Variants in KCNJ6 observed in about 807,000 individuals in gnomAD.
The protein encoded by KCNJ6 is potassium inwardly rectifying channel subfamily J member 6.
A neutral mutation model predicts 34.2 loss-of-function variants in KCNJ6; 9 were observed. The observed-to-expected ratio is 0.26, with a 90% CI of 0.16 to 0.46. KCNJ6 has a LOEUF of 0.46. KCNJ6 is among the 20% of genes least tolerant of loss of function. The pLI, the probability that KCNJ6 is intolerant of heterozygous loss-of-function variation, is 1.00. For synonymous variants in KCNJ6, 196 were observed against 207.1 expected (o/e 0.95, Z 0.46); for missense variants, 236 against 531.3 (o/e 0.44, Z 5.46).
At position 37,617,068 on chromosome 21, in the gene KCNJ6, TTTTCTTTTC is replaced by T. The variant is rs1274322672; in HGVS notation, c.*8082_*8090del. ...TCTTTCTTTCTTTTCTTTTCTTTTCTTTTCTTTTCTTTCTTTTTCTTTCTTTCTTTTCTT... is the reference window on the plus strand; with the variant it reads ...TCTTTCTTTCTTTTCTTTTCTTTTCTTTTCTTTTTCTTTCTTTCTTTTCTT... On this transcript the variant is annotated 3_prime_UTR_variant, in exon 4 of 4. Coordinates refer to ENST00000609713, the MANE Select transcript of KCNJ6 (RefSeq NM_002240.5). 3.8e-5 allele frequency: 5 copies of T among 133,228 alleles called. No homozygotes were observed. Among genetic ancestry groups the T allele is most frequent in the African/African-American group, 5.6e-5 (2 of 35,532 alleles). The allele number at this position is 133,228 out of a possible 1,614,324, so 8.3% of individuals were successfully genotyped here.
At chr21:37,822,904 A>T (rs1035717635) in intron 2 of KCNJ6, among the ~76,000 whole-genome samples, 4 of 152,346 alleles carry the variant, frequency 2.6e-5, no homozygotes, top group Non-Finnish European at 5.9e-5. Flanking sequence ...GGGTGGAATA[A>T]GACTTTTCAG....
rs938284935 is a variant in KCNJ6, at chr21:37,609,370, C to T, written c.*15789G>A. 2.0e-5 allele frequency: 3 copies of T among 152,176 alleles called. No individual in the cohort carries two copies. Among genetic ancestry groups the T allele is most frequent in the African/African-American group, 7.2e-5 (3 of 41,438 alleles). The allele number at this position is 152,176 out of a possible 1,614,324, so 9.4% of individuals were successfully genotyped here. On this transcript the variant is annotated 3_prime_UTR_variant, in exon 4 of 4. Transcript: ENST00000609713. ...ATGCAACCCCCAAACTAGATGCAGT[C>T]TTATCTTCAATCGCATAGATTCAAA...
intron 3 of KCNJ6, among the ~76,000 whole-genome samples, chr21:37,690,591 G>A (rs1339096345): frequency 6.6e-6 from 1 of 152,002 alleles, no homozygotes; most frequent in Non-Finnish European, 1.5e-5. Context: ...TTGAAATTTC[G>A]GCATGGTGCC....
rs184696428 is a variant in KCNJ6 at position 37,635,194 on chromosome 21, G to A, written c.947-9710C>T. On this transcript the variant is annotated intron_variant, in intron 3 of 3. Transcript: ENST00000609713. Reference sequence around the variant, plus strand: ...CTTAAATTGAGTGGCCAAGTTACAAGTATTTTATATAATATTACTTTATTT... The same window carrying A: ...CTTAAATTGAGTGGCCAAGTTACAAATATTTTATATAATATTACTTTATTT... 2.0e-5 allele frequency among the ~76,000 whole-genome samples: 3 copies of A among 152,042 alleles called. No homozygotes were observed. The East Asian group carries it at 5.8e-4, about 29-fold the overall frequency.
intron 2 of KCNJ6, among the ~76,000 whole-genome samples, chr21:37,729,369 G>C (rs940596075): frequency 2.0e-5 from 3 of 151,976 alleles, no homozygotes; most frequent in Admixed American, 2.0e-4. Context: ...TGTCACCCAG[G>C]CTGGAGTGCA....
intron 2 of KCNJ6, among the ~76,000 whole-genome samples, chr21:37,719,046 TAAAAA>T (rs1049981868): frequency 6.7e-6 from 1 of 149,480 alleles, no homozygotes; most frequent in Non-Finnish European, 1.5e-5. Flanking sequence ...TTGAGAGAAA[TAAAAA>T]AAGCCAAGGA....
intron 2 of KCNJ6, among the ~76,000 whole-genome samples, chr21:37,832,850 T>C (rs2836004): frequency 0.18 from 28,035 of 151,994 alleles, 2,632 homozygotes; most frequent in South Asian, 0.29. Context: ...TCTCTGGCAG[T>C]GACCATACCT....
At chr21:37,858,392 C>CAAAAAAAAAAAA (rs60814205) in intron 1 of KCNJ6, among the ~76,000 whole-genome samples, 5 of 54,498 alleles carry the variant, frequency 9.2e-5, no homozygotes, top group African/African-American at 3.7e-4. Context: ...GACTCCGTCT[C>CAAAAAAAAAAAA]AAAAAAAAAA....
chr21:37,749,707 C>T (rs564078593), intron 2 of KCNJ6, among the ~76,000 whole-genome samples: 27 of 152,188 alleles, frequency 1.8e-4, no homozygotes, highest in Middle Eastern at 3.4e-3. Context: ...GAACTTCTAC[C>T]CTATTAGCTT....
chr21:37,813,304 T>A (rs952112606), intron 2 of KCNJ6, among the ~76,000 whole-genome samples: 18 of 152,164 alleles, frequency 1.2e-4, no homozygotes, highest in Non-Finnish European at 2.5e-4. Flanking sequence ...ATTGGAAGAA[T>A]CAATGTTGTT....
At chr21:37,630,044 CTG>C (rs1274511895) in intron 3 of KCNJ6, among the ~76,000 whole-genome samples, 1 of 151,852 alleles carries the variant, frequency 6.6e-6, no homozygotes, top group Non-Finnish European at 1.5e-5. Flanking sequence ...GTCTTTAAAA[CTG>C]TGATGTTTTA....
intron 2 of KCNJ6, among the ~76,000 whole-genome samples, chr21:37,751,470 C>T (rs1448809623): frequency 1.3e-5 from 2 of 152,200 alleles, no homozygotes; most frequent in Non-Finnish European, 2.9e-5. Flanking sequence ...CCTATTTTCA[C>T]ACTCATACGT....
chr21:37,823,616 C>T (rs958541042), intron 2 of KCNJ6, among the ~76,000 whole-genome samples: 1 of 152,208 alleles, frequency 6.6e-6, no homozygotes, highest in South Asian at 2.1e-4. Flanking sequence ...CACTCTTTCT[C>T]TCCTGCCGCC....
chr21:37,773,309 G>A (rs1419809749), intron 2 of KCNJ6, among the ~76,000 whole-genome samples: 1 of 152,064 alleles, frequency 6.6e-6, no homozygotes, highest in Non-Finnish European at 1.5e-5. Flanking sequence ...CCCGTCAACT[G>A]GCTACATGTC....
chr21:37,708,894 C>G (rs1001318668), intron 3 of KCNJ6, among the ~76,000 whole-genome samples: 4 of 152,186 alleles, frequency 2.6e-5, no homozygotes, highest in African/African-American at 9.7e-5. Flanking sequence ...TTTTCAAAGG[C>G]TGCAATCTCA....
intron 3 of KCNJ6, among the ~76,000 whole-genome samples, chr21:37,658,078 T>C (rs2054472236): frequency 6.6e-6 from 1 of 152,242 alleles, no homozygotes; most frequent in African/African-American, 2.4e-5. Flanking sequence ...GGTTACTTTA[T>C]TCTGTGTGGA....
chr21:37,705,536 A>T (rs2054715080), intron 3 of KCNJ6, among the ~76,000 whole-genome samples: 1 of 152,218 alleles, frequency 6.6e-6, no homozygotes, highest in Non-Finnish European at 1.5e-5. Flanking sequence ...CTCTTAATTG[A>T]TTGAGCACCT....
At chr21:37,890,436 C>T (rs1392783031) in intron 1 of KCNJ6, among the ~76,000 whole-genome samples, 1 of 152,184 alleles carries the variant, frequency 6.6e-6, no homozygotes, top group Non-Finnish European at 1.5e-5. Context: ...ATCAACTTCT[C>T]AAAAGAGTTT....
chr21:37,733,816 G>T (rs1299485465), intron 2 of KCNJ6, among the ~76,000 whole-genome samples: 1 of 152,172 alleles, frequency 6.6e-6, no homozygotes, highest in African/African-American at 2.4e-5. Context: ...TGTGAGTGTT[G>T]CATTTCCCCA....
Sources: gnomAD v4.1 joint callset for allele counts (sites outside exome capture counted in the v4.1 genomes callset) on GRCh38, gnomAD v4.1.1 for gene constraint, MANE v1.5 for transcripts, NCBI Gene and HGNC (gene_info 2026-07-23, HGNC 2026-07-21) for gene names.